Variants in ITSN1 observed in about 807,000 individuals in gnomAD.
The protein encoded by ITSN1 is intersectin 1.
A neutral mutation model predicts 239.8 loss-of-function variants in ITSN1; 58 were observed. The ratio of observed to expected loss-of-function variants is 0.24; its 90% CI spans 0.20 to 0.30. ITSN1 has a LOEUF of 0.30. Ranked by LOEUF, ITSN1 falls within the 10% of genes least tolerant of loss-of-function variation. ITSN1 has a pLI of 1.00. For missense variants in ITSN1, 1,558 were observed against 2,103.3 expected, an observed-to-expected ratio of 0.74 and a Z score of 5.07; for synonymous variants, 780 against 770.8, an observed-to-expected ratio of 1.01 and a Z score of -0.20.
At position 33,892,401 on chromosome 21, in the gene ITSN1, A is replaced by G. The variant is rs547277642; in HGVS notation, c.*4101A>G. ...TCCATGAATGGCCCAGGGGCTGCTT[A>G]GTATATCATTAGAATGTTCATTCTC... On this transcript the variant is annotated 3_prime_UTR_variant, in exon 40 of 40. Coordinates refer to ENST00000381318, the MANE Select transcript of ITSN1 (RefSeq NM_003024.3). The G allele has an allele frequency of 1.3e-5, 2 of 152,314 alleles. No homozygotes were observed. 9.4% of individuals were successfully genotyped at this position (152,314 alleles called of 1,614,324 possible).
intron 14 of ITSN1, among the ~76,000 whole-genome samples, chr21:33,779,957 C>T (rs555977895): frequency 3.3e-5 from 5 of 152,128 alleles, no homozygotes; most frequent in Non-Finnish European, 5.9e-5. Context: ...TCAGCCTCCC[C>T]GGTAGCAGGG....
chr21:33,889,438 C>T lies in ITSN1; in HGVS notation c.*1138C>T, dbSNP rs183522610. 91 of 152,308 alleles carry T rather than the reference C, an allele frequency of 6.0e-4. No homozygotes were observed. The highest frequency in any genetic ancestry group is 2.0e-3 in the African/African-American group (85 of 41,566). The allele number at this position is 152,308 out of a possible 1,614,324, so 9.4% of individuals were successfully genotyped here. On this transcript the variant is annotated 3_prime_UTR_variant, in exon 40 of 40. Transcript: ENST00000381318. Reference sequence around the variant, plus strand: ...AAGACCTAAGACACTTTTCCACCCTCCACCACCCCAACCTCACATAATATG... The same window carrying T: ...AAGACCTAAGACACTTTTCCACCCTTCACCACCCCAACCTCACATAATATG...
intron 1 of ITSN1, among the ~76,000 whole-genome samples, chr21:33,700,827 G>A (rs568051145): frequency 2.6e-5 from 4 of 152,188 alleles, no homozygotes; most frequent in African/African-American, 9.6e-5. Flanking sequence ...AACAGATGAT[G>A]TATGTTCATA....
rs532162247 is a variant in ITSN1 at position 33,856,902 on chromosome 21, G to A, written c.3783+45G>A. ...AGGGGGCACGGCAGGGGGCGATGAC[G>A]GAGGGAGAGGGGAGGGTTCCGTCAA... is the stretch of plus-strand genomic sequence containing the variant. On this transcript the variant is annotated intron_variant, in intron 30 of 39. Transcript: ENST00000381318. 27 of 1,579,622 alleles carry A rather than the reference G, an allele frequency of 1.7e-5. No homozygotes were observed. In the East Asian group the frequency reaches 4.0e-4, roughly 24 times the overall value.
intron 14 of ITSN1, among the ~76,000 whole-genome samples, chr21:33,778,398 G>T (rs1039169714): frequency 1.3e-5 from 2 of 151,984 alleles, no homozygotes; most frequent in African/African-American, 2.4e-5. Context: ...CACCAGTGAA[G>T]GCCTCTGGGC....
chr21:33,824,843 AT>A (rs1457633709), intron 25 of ITSN1, among the ~76,000 whole-genome samples: 8 of 152,120 alleles, frequency 5.3e-5, no homozygotes, highest in Non-Finnish European at 1.0e-4. Flanking sequence ...CCATGGATGG[AT>A]TTACATAAGT....
At chr21:33,760,872 T>C (rs1487570186) in intron 8 of ITSN1, among the ~76,000 whole-genome samples, 1 of 152,188 alleles carries the variant, frequency 6.6e-6, no homozygotes, top group Non-Finnish European at 1.5e-5. Context: ...AAGGAAGACG[T>C]ATTTATTTCT....
chr21:33,817,813 G>A (rs1412502101), intron 22 of ITSN1: 2 of 402,670 alleles, frequency 5.0e-6, no homozygotes, highest in Non-Finnish European at 8.5e-6. Context: ...TATTTCCCTG[G>A]GTCTACCTAA....
Position 33,895,929 on chromosome 21 carries a change from G to A in ITSN1, c.*7629G>A, listed in dbSNP as rs1986754708. 1 of 152,196 alleles carries A rather than the reference G, an allele frequency of 6.6e-6. No individual in the cohort carries two copies. The highest frequency in any genetic ancestry group is 1.5e-5 in the Non-Finnish European group (1 of 68,054). 9.4% of individuals were successfully genotyped at this position (152,196 alleles called of 1,614,324 possible). On this transcript the variant is annotated 3_prime_UTR_variant, in exon 40 of 40. Transcript: ENST00000381318. The stretch of plus-strand genomic sequence containing the variant: ...CTAGACAGTGAGAGGAGAGCATTAA[G>A]CCAAGCTCAGGTCCCTTCTGAGTGC...
chr21:33,654,789 G>A (rs1161697869), intron 1 of ITSN1, among the ~76,000 whole-genome samples: 1 of 152,166 alleles, frequency 6.6e-6, no homozygotes, highest in African/African-American at 2.4e-5. Context: ...TATGGATGGG[G>A]AGAATAAAGT....
intron 1 of ITSN1, among the ~76,000 whole-genome samples, chr21:33,647,370 T>C (rs1269817670): frequency 6.6e-6 from 1 of 152,220 alleles, no homozygotes; most frequent in Non-Finnish European, 1.5e-5. Flanking sequence ...GCTATACATA[T>C]GGTTGTAACC....
chr21:33,819,363 A>C, intron 24 of ITSN1, 40 bp downstream of exon 24: 1 of 1,421,696 alleles, frequency 7.0e-7, no homozygotes, highest in East Asian at 2.3e-5. Context: ...AGAAGGGTCA[A>C]GGACATTGTG....
chr21:33,773,883 T>C (rs935955195), intron 12 of ITSN1, among the ~76,000 whole-genome samples: 4 of 152,134 alleles, frequency 2.6e-5, no homozygotes, highest in African/African-American at 9.7e-5. Context: ...TTTCGCCATG[T>C]TGCCCAGGCT....
chr21:33,769,005 A>G (rs1331237242), intron 11 of ITSN1, among the ~76,000 whole-genome samples: 1 of 152,238 alleles, frequency 6.6e-6, no homozygotes, highest in East Asian at 1.9e-4. Context: ...CCTGGAGAGT[A>G]TTATAGATGC....
intron 1 of ITSN1, among the ~76,000 whole-genome samples, chr21:33,653,347 C>T (rs960701283): frequency 4.6e-5 from 7 of 152,092 alleles, no homozygotes; most frequent in African/African-American, 1.2e-4. Context: ...TTTGAGTACA[C>T]GCTGTATATG....
At chr21:33,757,894 T>G (rs900120543) in intron 8 of ITSN1, among the ~76,000 whole-genome samples, 7 of 152,160 alleles carry the variant, frequency 4.6e-5, no homozygotes, top group African/African-American at 1.7e-4. Context: ...TTTCTTTTTT[T>G]GAAACAGAGA....
intron 31 of ITSN1, among the ~76,000 whole-genome samples, chr21:33,859,903 C>A (rs925577136): frequency 6.6e-6 from 1 of 152,192 alleles, no homozygotes; most frequent in African/African-American, 2.4e-5. Context: ...GCCGTGGAAG[C>A]CTTTCGAACT....
rs34301203 is a variant in ITSN1 at position 33,679,698 on chromosome 21, C to CTTTT, written c.-33+37005_-33+37008dup. ...TTTTGTGTGTTTTTTGATCCTTATC[C>CTTTT]TTTTTTTTTTTTTTTTTTTTTTTGA... On this transcript the variant is annotated intron_variant, in intron 1 of 39. Coordinates refer to ENST00000381318, the MANE Select transcript of ITSN1 (RefSeq NM_003024.3). Among the ~76,000 whole-genome samples, 454 of 86,288 alleles carry CTTTT rather than the reference C, an allele frequency of 5.3e-3. 2 individuals are homozygous for CTTTT. Among genetic ancestry groups the CTTTT allele is most frequent in the Non-Finnish European group, 5.7e-3 (277 of 48,634 alleles). The allele number at this position is 86,288 out of a possible 152,430, so 56.6% of individuals were successfully genotyped here.
chr21:33,734,291 T>A (rs2147249376), intron 4 of ITSN1, among the ~76,000 whole-genome samples: 1 of 152,342 alleles, frequency 6.6e-6, no homozygotes, highest in Admixed American at 6.5e-5. Flanking sequence ...GAGAAGCGAT[T>A]CCTTTTGCTT....
Sources: allele counts gnomAD v4.1 joint callset (sites outside exome capture counted in the v4.1 genomes callset), GRCh38; gene constraint gnomAD v4.1.1; transcripts MANE v1.5; gene names NCBI Gene and HGNC (gene_info 2026-07-23, HGNC 2026-07-21).